Variants in ERBB4 observed in about 807,000 individuals in gnomAD.
The protein encoded by ERBB4 is erb-b2 receptor tyrosine kinase 4.
ERBB4 carries 42 observed loss-of-function variants against 158.0 expected under a neutral mutation model. That is an observed-to-expected ratio of 0.27 (90% CI 0.21 to 0.34). ERBB4 has a LOEUF of 0.34. Among genes scored for constraint, ERBB4 ranks in the 10% least tolerant of loss-of-function variants. The pLI, the probability that ERBB4 is intolerant of heterozygous loss-of-function variation, is 1.00. For missense variants in ERBB4, 1,333 were observed against 1,624.1 expected (o/e 0.82, Z 3.08); for synonymous variants, 583 against 558.7 (o/e 1.04, Z -0.61).
rs543153062 is a variant in ERBB4, at chr2:211,662,491, G to T, written c.1871+2832C>A. On this transcript the variant is annotated intron_variant, in intron 15 of 27. Coordinates refer to ENST00000342788, the MANE Select transcript of ERBB4 (RefSeq NM_005235.3). The stretch of plus-strand genomic sequence containing the variant: ...TTTACTGGACTGTGAGTTCATTGAG[G>T]TCAGAAGCTGTGTCTTGTTCATTTC... Among the ~76,000 whole-genome samples the T allele has an allele frequency of 2.0e-5, 3 of 152,274 alleles. No homozygotes were observed. The South Asian group carries it at 6.2e-4, about 32-fold the overall frequency.
chr2:212,107,803 G>A (rs893069011), intron 2 of ERBB4, among the ~76,000 whole-genome samples: 6 of 152,180 alleles, frequency 3.9e-5, no homozygotes, highest in Admixed American at 6.5e-5. Flanking sequence ...TAAGTCTCAA[G>A]AGATCTGATA....
intron 2 of ERBB4, among the ~76,000 whole-genome samples, chr2:212,036,301 T>C (rs917802046): frequency 7.2e-5 from 11 of 152,172 alleles, no homozygotes; most frequent in Non-Finnish European, 1.6e-4. Context: ...GTTCAATTTC[T>C]GACTTGTTAT....
At chr2:212,409,855 T>C (rs2091448034) in intron 1 of ERBB4, among the ~76,000 whole-genome samples, 1 of 152,114 alleles carries the variant, frequency 6.6e-6, no homozygotes, top group Non-Finnish European at 1.5e-5. Context: ...TGTACTCTCA[T>C]AATACATCAC....
At chr2:212,247,428 T>C (rs1027356084) in intron 1 of ERBB4, among the ~76,000 whole-genome samples, 1 of 152,164 alleles carries the variant, frequency 6.6e-6, no homozygotes, top group Non-Finnish European at 1.5e-5. Flanking sequence ...CCCCCTGATA[T>C]TTGGGGTTAA....
chr2:212,201,933 G>T (rs1477881030), intron 1 of ERBB4, among the ~76,000 whole-genome samples: 1 of 152,030 alleles, frequency 6.6e-6, no homozygotes, highest in African/African-American at 2.4e-5. Flanking sequence ...TATATGTATT[G>T]GTATGTTTGT....
intron 3 of ERBB4, among the ~76,000 whole-genome samples, chr2:211,905,523 T>A (rs114788702): frequency 0.059 from 8,903 of 151,492 alleles, 412 homozygotes; most frequent in Non-Finnish European, 0.089. Flanking sequence ...ACCTCTCAAA[T>A]GATAATTTTA....
At chr2:211,390,365 G>T (rs1038534937) in intron 25 of ERBB4, among the ~76,000 whole-genome samples, 6 of 152,170 alleles carry the variant, frequency 3.9e-5, no homozygotes, top group African/African-American at 1.4e-4. Context: ...TTTATTTCAA[G>T]TCTATGGTTA....
At chr2:211,514,574 G>C (rs1371290440) in intron 20 of ERBB4, among the ~76,000 whole-genome samples, 1 of 152,120 alleles carries the variant, frequency 6.6e-6, no homozygotes, top group African/African-American at 2.4e-5. Context: ...CACTTACTCA[G>C]TAAACATTTA....
intron 25 of ERBB4, among the ~76,000 whole-genome samples, chr2:211,415,407 C>A (rs1574446225): frequency 6.6e-6 from 1 of 152,170 alleles, no homozygotes. Context: ...GCGTGAGCCA[C>A]CGCGCCCGGC....
intron 20 of ERBB4, among the ~76,000 whole-genome samples, chr2:211,517,457 G>C (rs530887899): frequency 6.6e-6 from 1 of 152,104 alleles, no homozygotes; most frequent in East Asian, 1.9e-4. Flanking sequence ...CTTCTAAATA[G>C]TTTCCTGTAT....
intron 3 of ERBB4, among the ~76,000 whole-genome samples, chr2:211,846,276 T>G (rs917977238): frequency 2.0e-5 from 3 of 150,240 alleles, no homozygotes; most frequent in Non-Finnish European, 4.4e-5. Flanking sequence ...CTCCAGACAC[T>G]TTTTTTCATA....
intron 3 of ERBB4, among the ~76,000 whole-genome samples, chr2:211,898,385 G>C (rs143576917): frequency 1.3e-4 from 20 of 152,146 alleles, no homozygotes; most frequent in Non-Finnish European, 2.8e-4. Context: ...TTAGCCATAA[G>C]AATTAGGAAG....
At chr2:212,230,114 A>G (rs1374768200) in intron 1 of ERBB4, among the ~76,000 whole-genome samples, 1 of 152,028 alleles carries the variant, frequency 6.6e-6, no homozygotes, top group Non-Finnish European at 1.5e-5. Flanking sequence ...GTGAAACCCT[A>G]TCTCTACTAA....
At chr2:211,590,841 G>A (rs1158591620) in intron 19 of ERBB4, among the ~76,000 whole-genome samples, 1 of 152,156 alleles carries the variant, frequency 6.6e-6, no homozygotes, top group African/African-American at 2.4e-5. Context: ...GAACCCACTG[G>A]GTGGTTACAG....
At chr2:211,856,366 C>CTATTTATTTATT (rs33972622) in intron 3 of ERBB4, among the ~76,000 whole-genome samples, 12,785 of 140,550 alleles carry the variant, frequency 0.091, 676 homozygotes, top group African/African-American at 0.099. Context: ...CTTGTAATTT[C>CTATTTATTTATT]TATTTATTTA....
At position 211,407,807 on chromosome 2, in the gene ERBB4, G is replaced by A. The variant is rs112511521; in HGVS notation, c.3135+12634C>T. On this transcript the variant is annotated intron_variant, in intron 25 of 27. Coordinates refer to ENST00000342788, the MANE Select transcript of ERBB4 (RefSeq NM_005235.3). ...GAACTTTTCATTTGGGCAGGTGAGC[G>A]AGGAAAGGGACTGAAACACAAGATC... Among the ~76,000 whole-genome samples, 8 of 152,306 alleles carry A rather than the reference G, an allele frequency of 5.3e-5. 1 individual carries two copies. Among genetic ancestry groups the A allele is most frequent in the African/African-American group, 1.7e-4 (7 of 41,566 alleles).
intron 1 of ERBB4, among the ~76,000 whole-genome samples, chr2:212,341,629 G>C (rs2088718155): frequency 6.7e-6 from 1 of 149,476 alleles, no homozygotes; most frequent in African/African-American, 2.5e-5. Flanking sequence ...TTGACTAAAT[G>C]ACATATTAAA....
chr2:212,040,689 A>T (rs959784390), intron 2 of ERBB4, among the ~76,000 whole-genome samples: 1 of 152,080 alleles, frequency 6.6e-6, no homozygotes, highest in Non-Finnish European at 1.5e-5. Context: ...ATTCATGTAC[A>T]CTGAGTAGTA....
At chr2:212,102,090 T>TTATA (rs57567965) in intron 2 of ERBB4, among the ~76,000 whole-genome samples, 11,048 of 107,928 alleles carry the variant, frequency 0.1, 1,153 homozygotes, top group Middle Eastern at 0.17. Flanking sequence ...AAAATTTATT[T>TTATA]TATATATATA....
Sources: gnomAD v4.1 joint callset for allele counts (sites outside exome capture counted in the v4.1 genomes callset) on GRCh38, gnomAD v4.1.1 for gene constraint, MANE v1.5 for transcripts, NCBI Gene and HGNC (gene_info 2026-07-23, HGNC 2026-07-21) for gene names.